PPFIA2: variants seen among roughly 807,000 people sequenced by gnomAD.
PPFIA2 encodes the protein PPFI scaffold protein A2, also known as liprin-alpha-2.
A neutral mutation model predicts 175.5 loss-of-function variants in PPFIA2; 46 were observed. That is an observed-to-expected ratio of 0.26 (90% CI 0.21 to 0.34). The LOEUF is 0.34. PPFIA2 is among the 10% of genes least tolerant of loss of function. PPFIA2 has a pLI of 1.00. For synonymous variants in PPFIA2, 568 were observed against 511.4 expected (o/e 1.11, Z -1.49); for missense variants, 1,179 against 1,506.1 (o/e 0.78, Z 3.60).
intron 4 of PPFIA2, among the ~76,000 whole-genome samples, chr12:81,542,430 C>G (rs1466474381): frequency 6.6e-6 from 1 of 152,074 alleles, no homozygotes; most frequent in Admixed American, 6.6e-5. Flanking sequence ...TAATTTGTTA[C>G]CACAGGGCAG....
intron 4 of PPFIA2, among the ~76,000 whole-genome samples, chr12:81,674,648 C>A (rs1027975008): frequency 1.5e-4 from 23 of 151,962 alleles, no homozygotes; most frequent in Non-Finnish European, 3.1e-4. Flanking sequence ...GGGTGACAGA[C>A]AGAACAAGAC....
chr12:81,702,750 C>T (rs535181965), intron 3 of PPFIA2, among the ~76,000 whole-genome samples: 18 of 152,016 alleles, frequency 1.2e-4, no homozygotes, highest in East Asian at 3.9e-4. Context: ...AATCCCAATG[C>T]GATCATATTA....
chr12:81,574,287 A>T (rs1020996271), intron 4 of PPFIA2, among the ~76,000 whole-genome samples: 1 of 151,824 alleles, frequency 6.6e-6, no homozygotes, highest in Admixed American at 6.6e-5. Flanking sequence ...TCTGGATAAG[A>T]TTCTATTTAA....
chr12:81,360,698 C>T (rs991463642), intron 15 of PPFIA2, among the ~76,000 whole-genome samples: 7 of 151,548 alleles, frequency 4.6e-5, no homozygotes, highest in Non-Finnish European at 7.4e-5. Context: ...ATTGTTTTTA[C>T]GAAATTACTT....
At chr12:81,312,452 C>T in intron 22 of PPFIA2, 1 of 413,394 alleles carries the variant, frequency 2.4e-6, no homozygotes, top group South Asian at 7.2e-5. Flanking sequence ...ATTTTCCCAG[C>T]CTCGAGTACA....
At chr12:81,421,014 T>C (rs1302269514) in intron 7 of PPFIA2, among the ~76,000 whole-genome samples, 1 of 152,094 alleles carries the variant, frequency 6.6e-6, no homozygotes, top group South Asian at 2.1e-4. Flanking sequence ...TGGGATGATA[T>C]ATTCAAAGTA....
At chr12:81,571,981 G>T (rs139462459) in intron 4 of PPFIA2, among the ~76,000 whole-genome samples, 1 of 152,148 alleles carries the variant, frequency 6.6e-6, no homozygotes, top group East Asian at 1.9e-4. Flanking sequence ...ACCCAATGCT[G>T]GATCATGTAG....
At chr12:81,347,055 A>C (rs76001639) in intron 18 of PPFIA2, among the ~76,000 whole-genome samples, 9,223 of 152,126 alleles carry the variant, frequency 0.061, 356 homozygotes, top group African/African-American at 0.11. Context: ...TCAGTATCCT[A>C]AGTAGCAGTG....
intron 4 of PPFIA2, among the ~76,000 whole-genome samples, chr12:81,511,386 A>G (rs1363756738): frequency 1.3e-5 from 2 of 152,168 alleles, no homozygotes; most frequent in Non-Finnish European, 2.9e-5. Flanking sequence ...ATAAGAAAAT[A>G]ATTAGAAATG....
At chr12:81,653,662 C>G (rs2067341379) in intron 4 of PPFIA2, among the ~76,000 whole-genome samples, 1 of 151,920 alleles carries the variant, frequency 6.6e-6, no homozygotes, top group Non-Finnish European at 1.5e-5. Flanking sequence ...CTATAAAAAT[C>G]ATATTACCAA....
At chr12:81,739,242 C>T (rs573216649) in intron 3 of PPFIA2, among the ~76,000 whole-genome samples, 2 of 151,894 alleles carry the variant, frequency 1.3e-5, no homozygotes, top group African/African-American at 4.8e-5. Context: ...TTGACAGTTA[C>T]TAAAACTTAT....
At chr12:81,404,938 G>C (rs181579153) in intron 8 of PPFIA2, among the ~76,000 whole-genome samples, 1 of 152,196 alleles carries the variant, frequency 6.6e-6, no homozygotes, top group East Asian at 1.9e-4. Context: ...TGATTCATGT[G>C]GTCTTCATTT....
chr12:81,380,756 T>C (rs1254147669), intron 9 of PPFIA2, among the ~76,000 whole-genome samples: 2 of 152,186 alleles, frequency 1.3e-5, no homozygotes, highest in Non-Finnish European at 2.9e-5. Flanking sequence ...TTTACCTCAC[T>C]GAACCTTGTG....
At chr12:81,564,482 A>T (rs1428157499) in intron 4 of PPFIA2, among the ~76,000 whole-genome samples, 2 of 152,128 alleles carry the variant, frequency 1.3e-5, no homozygotes, top group African/African-American at 4.8e-5. Context: ...GCTATTAAGG[A>T]TGGAGTTCTT....
At chr12:81,572,829 T>TTGTG (rs139086016) in intron 4 of PPFIA2, among the ~76,000 whole-genome samples, 1 of 151,480 alleles carries the variant, frequency 6.6e-6, no homozygotes, top group East Asian at 1.9e-4. Context: ...AGTTGTGTGT[T>TTGTG]TGTGTGTGTG....
At chr12:81,476,945 A>G (rs968842509) in intron 4 of PPFIA2, among the ~76,000 whole-genome samples, 3 of 152,164 alleles carry the variant, frequency 2.0e-5, no homozygotes, top group Non-Finnish European at 4.4e-5. Flanking sequence ...ATCCACAGCA[A>G]GCTAACCCAG....
intron 4 of PPFIA2, among the ~76,000 whole-genome samples, chr12:81,470,976 T>C (rs1273499576): frequency 6.6e-6 from 1 of 152,196 alleles, no homozygotes; most frequent in Non-Finnish European, 1.5e-5. Context: ...CTATTTTAGA[T>C]GCCACATATG....
intron 3 of PPFIA2, among the ~76,000 whole-genome samples, chr12:81,688,947 T>C (rs1273728187): frequency 6.6e-6 from 1 of 151,482 alleles, no homozygotes; most frequent in Non-Finnish European, 1.5e-5. Context: ...AAGGTAATCA[T>C]AATAAGCTGG....
In PPFIA2 at chr12:81,466,073, G is replaced by A. The variant is rs535196503; in HGVS notation, c.304-8207C>T. Among the ~76,000 whole-genome samples the A allele has an allele frequency of 4.6e-5, 7 of 152,268 alleles. No individual in the cohort carries two copies. In the South Asian group the frequency reaches 1.5e-3, roughly 32 times the overall value. ...ATGTCTCACGGTCAGCCCTGGGCTA[G>A]ACAGCTTGAAGGTAGAATCGCCTGC... On this transcript the variant is annotated intron_variant, in intron 4 of 32. Coordinates refer to ENST00000549396, the MANE Select transcript of PPFIA2 (RefSeq NM_003625.5).
Sources: allele counts gnomAD v4.1 joint callset (sites outside exome capture counted in the v4.1 genomes callset), GRCh38; gene constraint gnomAD v4.1.1; transcripts MANE v1.5; gene names NCBI Gene and HGNC (gene_info 2026-07-23, HGNC 2026-07-21).